Variants in HS3ST5 observed in about 807,000 individuals in gnomAD.
HS3ST5 encodes heparan sulfate-glucosamine 3-sulfotransferase 5.
Under a neutral mutation model 25.4 loss-of-function variants are expected in HS3ST5, and 10 were observed. The observed-to-expected ratio is 0.39, with a 90% CI of 0.24 to 0.67. The LOEUF (loss-of-function observed/expected upper bound fraction) is 0.67. Ranked by LOEUF, HS3ST5 falls within the 30% of genes least tolerant of loss-of-function variation. The pLI is 0.44. For synonymous variants in HS3ST5, 170 were observed against 162.4 expected, an observed-to-expected ratio of 1.05 and a Z score of -0.36; for missense variants, 324 against 420.7, an observed-to-expected ratio of 0.77 and a Z score of 2.01.
At chr6:114,217,081 T>G (rs1165858568) in intron 2 of HS3ST5, among the ~76,000 whole-genome samples, 1 of 152,210 alleles carries the variant, frequency 6.6e-6, no homozygotes. Flanking sequence ...CTATTCTAAC[T>G]GGCCACATTC....
chr6:114,268,423 T>C (rs981718113), intron 1 of HS3ST5, among the ~76,000 whole-genome samples: 4 of 152,164 alleles, frequency 2.6e-5, no homozygotes, highest in Admixed American at 6.5e-5. Context: ...AGTATATATT[T>C]CCTAAGAGGG....
At chr6:114,279,954 AAATGGGCAGGT>A (rs1774033135) in intron 1 of HS3ST5, among the ~76,000 whole-genome samples, 1 of 152,006 alleles carries the variant, frequency 6.6e-6, no homozygotes, top group Non-Finnish European at 1.5e-5. Flanking sequence ...TACAGATCAG[AAATGGGCAGGT>A]AATTCTAATT....
At chr6:114,129,115 A>G (rs575554863) in intron 3 of HS3ST5, among the ~76,000 whole-genome samples, 3 of 152,274 alleles carry the variant, frequency 2.0e-5, no homozygotes, top group South Asian at 2.1e-4. Context: ...CTTTAGCACA[A>G]TGCTTGGTAC....
At chr6:114,306,256 T>TATATATATGTACACAC (rs756494412) in intron 1 of HS3ST5, among the ~76,000 whole-genome samples, 2 of 115,420 alleles carry the variant, frequency 1.7e-5, no homozygotes, top group African/African-American at 6.0e-5. Context: ...TATATATATA[T>TATATATATGTACACAC]ACACACACAC....
chr6:114,067,269 A>T (rs965830591), intron 3 of HS3ST5, among the ~76,000 whole-genome samples: 4 of 152,200 alleles, frequency 2.6e-5, no homozygotes, highest in African/African-American at 9.7e-5. Flanking sequence ...TACAGGACCA[A>T]AGGATAATAG....
chr6:114,284,377 TTG>T (rs1774249128), intron 1 of HS3ST5, among the ~76,000 whole-genome samples: 1 of 151,992 alleles, frequency 6.6e-6, no homozygotes, highest in Non-Finnish European at 1.5e-5. Flanking sequence ...TAAACTTTTT[TTG>T]TGTGAGTTCC....
At chr6:114,074,590 A>T (rs1334900) in intron 3 of HS3ST5, among the ~76,000 whole-genome samples, 106,634 of 152,032 alleles carry the variant, frequency 0.7, 38,101 homozygotes, top group African/African-American at 0.83. Flanking sequence ...CCTGTTTTCA[A>T]TTCTGAGACC....
chr6:114,149,889 A>G (rs1778368290), intron 3 of HS3ST5, among the ~76,000 whole-genome samples: 2 of 152,218 alleles, frequency 1.3e-5, no homozygotes, highest in South Asian at 4.1e-4. Flanking sequence ...ATGATTTAAA[A>G]TACTGTCCAA....
chr6:114,333,654 A>AT (rs952133886), intron 1 of HS3ST5, among the ~76,000 whole-genome samples: 2 of 151,474 alleles, frequency 1.3e-5, no homozygotes, highest in African/African-American at 2.4e-5. Context: ...TTTTTTTAAA[A>AT]TTTTTTTTTG....
intron 3 of HS3ST5, among the ~76,000 whole-genome samples, chr6:114,097,402 G>C (rs1395393751): frequency 6.6e-6 from 1 of 151,688 alleles, no homozygotes; most frequent in African/African-American, 2.4e-5. Context: ...ACTTTTCCTA[G>C]GAACATTAAA....
chr6:114,064,536 C>CA (rs1773335264), intron 3 of HS3ST5, among the ~76,000 whole-genome samples: 2 of 152,150 alleles, frequency 1.3e-5, no homozygotes, highest in South Asian at 4.1e-4. Context: ...GGTAGGAGGG[C>CA]ATCCTAAGAG....
chr6:114,334,598 C>A (rs1776533410), intron 1 of HS3ST5, among the ~76,000 whole-genome samples: 2 of 152,186 alleles, frequency 1.3e-5, no homozygotes, highest in Admixed American at 6.5e-5. Flanking sequence ...AAATCCTTAA[C>A]ATTGTATTAC....
At chr6:114,255,346 G>A (rs568979442) in intron 1 of HS3ST5, among the ~76,000 whole-genome samples, 58 of 152,314 alleles carry the variant, frequency 3.8e-4, no homozygotes, top group Admixed American at 3.3e-4. Flanking sequence ...GCAGGGTGCA[G>A]CCTCCCTCCA....
chr6:114,313,335 A>G (rs1375737674), intron 1 of HS3ST5, among the ~76,000 whole-genome samples: 1 of 152,176 alleles, frequency 6.6e-6, no homozygotes, highest in Non-Finnish European at 1.5e-5. Flanking sequence ...TTCCAGTCCT[A>G]GGCACTTGCT....
chr6:114,252,031 T>G (rs981138516), intron 1 of HS3ST5: 3 of 152,246 alleles, frequency 2.0e-5, no homozygotes, highest in Non-Finnish European at 4.4e-5. Context: ...TCAGCATTTG[T>G]TGACTGAAAG....
At chr6:114,131,337 G>A (rs1777321919) in intron 3 of HS3ST5, 1 of 152,042 alleles carries the variant, frequency 6.6e-6, no homozygotes, top group South Asian at 2.1e-4. Context: ...AGGAAATGTG[G>A]GTTTTATTGC....
chr6:114,188,610 T>A (rs1400972842), intron 2 of HS3ST5, among the ~76,000 whole-genome samples: 1 of 150,196 alleles, frequency 6.7e-6, no homozygotes, highest in African/African-American at 2.4e-5. Flanking sequence ...GGCATTTTTT[T>A]ATTATCTTTA....
At chr6:114,335,857 T>A (rs954419720) in intron 1 of HS3ST5, among the ~76,000 whole-genome samples, 1 of 152,062 alleles carries the variant, frequency 6.6e-6, no homozygotes, top group African/African-American at 2.4e-5. Context: ...TTTCACCATG[T>A]TGGCCAGGAT....
chr6:114,094,751 T>G (rs4945512), intron 3 of HS3ST5, among the ~76,000 whole-genome samples: 13,171 of 152,226 alleles, frequency 0.087, 796 homozygotes, highest in East Asian at 0.25. Context: ...TGCTTTTGTA[T>G]AATCTCCTCC....
Sources: allele counts gnomAD v4.1 joint callset (sites outside exome capture counted in the v4.1 genomes callset), GRCh38; gene constraint gnomAD v4.1.1; transcripts MANE v1.5; gene names NCBI Gene and HGNC (gene_info 2026-07-23, HGNC 2026-07-21).